PKD2: variants seen among roughly 807,000 people sequenced by gnomAD.
The protein encoded by PKD2 is polycystin-2.
PKD2 carries 48 observed loss-of-function variants against 105.9 expected under a neutral mutation model. The ratio of observed to expected loss-of-function variants is 0.45; its 90% CI spans 0.36 to 0.58. PKD2 has a LOEUF of 0.58. Ranked by LOEUF, PKD2 falls within the 20% of genes least tolerant of loss-of-function variation. The probability of loss-of-function intolerance (pLI) is 0.00; values close to 1 mark genes in which losing one functional copy is unlikely to be tolerated. For missense variants in PKD2, 1,078 were observed against 1,255.3 expected, an observed-to-expected ratio of 0.86 and a Z score of 2.13; for synonymous variants, 464 against 481.1, an observed-to-expected ratio of 0.96 and a Z score of 0.46.
At chr4:88,071,736 G>A (rs532455456) in intron 13 of PKD2, among the ~76,000 whole-genome samples, 20 of 152,150 alleles carry the variant, frequency 1.3e-4, no homozygotes, top group East Asian at 7.7e-4. Context: ...CTTAGAGGGC[G>A]CAGCTGTGGC....
At chr4:88,053,977 CAT>C (rs760111854) in intron 7 of PKD2, among the ~76,000 whole-genome samples, 13 of 152,180 alleles carry the variant, frequency 8.5e-5, no homozygotes, top group South Asian at 2.1e-4. Context: ...GATATCCACA[CAT>C]GTTTGGATAG....
chr4:88,032,212 GT>G (rs2110100933), intron 2 of PKD2, among the ~76,000 whole-genome samples: 1 of 151,708 alleles, frequency 6.6e-6, no homozygotes, highest in East Asian at 1.9e-4. Flanking sequence ...TTTTATCCTA[GT>G]GATTTGAAAT....
intron 8 of PKD2, 103 bp from the exon 9 acceptor site, chr4:88,057,880 T>C: frequency 1.1e-6 from 1 of 913,954 alleles, no homozygotes; most frequent in South Asian, 1.3e-5. Context: ...CTACCTATAC[T>C]GCTAAAAGGT....
At chr4:88,064,560 C>T (rs1720714157) in intron 10 of PKD2, among the ~76,000 whole-genome samples, 1 of 152,088 alleles carries the variant, frequency 6.6e-6, no homozygotes, top group Non-Finnish European at 1.5e-5. Context: ...TACAGTGCCG[C>T]ACTATGTGCA....
At chr4:88,029,493 T>A (rs1467414006) in intron 2 of PKD2, among the ~76,000 whole-genome samples, 1 of 152,120 alleles carries the variant, frequency 6.6e-6, no homozygotes, top group African/African-American at 2.4e-5. Flanking sequence ...CCAGCCATGC[T>A]CTCTAGTTCA....
intron 5 of PKD2, among the ~76,000 whole-genome samples, chr4:88,045,116 A>G (rs1338688162): frequency 6.6e-6 from 1 of 152,206 alleles, no homozygotes; most frequent in Non-Finnish European, 1.5e-5. Context: ...TTCCTCCCTT[A>G]CTTTAAGGAT....
intron 2 of PKD2, among the ~76,000 whole-genome samples, chr4:88,032,458 C>G (rs1727197944): frequency 6.6e-6 from 1 of 152,104 alleles, no homozygotes; most frequent in Non-Finnish European, 1.5e-5. Flanking sequence ...GAGCCCAGCA[C>G]TTTGGCCGAT....
chr4:88,070,595 TATATATAG>T (rs1347053654), intron 13 of PKD2, among the ~76,000 whole-genome samples: 35 of 98,414 alleles, frequency 3.6e-4, no homozygotes, highest in Admixed American at 8.6e-4. Context: ...TATATATATA[TATATATAG>T]AGAGAGAGAG....
At chr4:88,047,408 T>G (rs1369496632) in intron 6 of PKD2, among the ~76,000 whole-genome samples, 1 of 150,976 alleles carries the variant, frequency 6.6e-6, no homozygotes, top group Non-Finnish European at 1.5e-5. Context: ...AAAAAAAAAT[T>G]TAATTAGTCA....
At chr4:88,065,593 CTTTTT>C in intron 11 of PKD2, 98 bp downstream of exon 11, 1 of 1,072,402 alleles carries the variant, frequency 9.3e-7, no homozygotes, top group Non-Finnish European at 1.4e-6. Context: ...CATACAGATA[CTTTTT>C]TTTTTTTTTT....
intron 7 of PKD2, among the ~76,000 whole-genome samples, chr4:88,055,093 G>A (rs1398008235): frequency 1.3e-5 from 2 of 152,098 alleles, no homozygotes; most frequent in African/African-American, 2.4e-5. Context: ...CTGTCTACCA[G>A]CAGGGTTCAC....
intron 10 of PKD2, among the ~76,000 whole-genome samples, chr4:88,064,740 A>T (rs952217157): frequency 4.5e-4 from 69 of 152,062 alleles, no homozygotes; most frequent in African/African-American, 1.6e-3. Flanking sequence ...AAAAAAAAAA[A>T]ATAGCAAGGC....
intron 1 of PKD2, among the ~76,000 whole-genome samples, chr4:88,013,309 G>T (rs550199801): frequency 9.9e-4 from 151 of 152,160 alleles, no homozygotes; most frequent in Non-Finnish European, 1.5e-3. Context: ...ATGCAGAGAT[G>T]AATAATACAA....
At chr4:88,046,996 A>T in intron 6 of PKD2, 126 bp downstream of exon 6, 2 of 723,262 alleles carry the variant, frequency 2.8e-6, no homozygotes, top group South Asian at 1.5e-5. Context: ...CCCCTCAATT[A>T]TATCAACTTC....
intron 9 of PKD2, among the ~76,000 whole-genome samples, chr4:88,061,145 C>CA (rs1354239035): frequency 6.6e-6 from 1 of 151,926 alleles, no homozygotes; most frequent in African/African-American, 2.4e-5. Context: ...TATGATTATA[C>CA]AAAAAAACTT....
intron 4 of PKD2, among the ~76,000 whole-genome samples, chr4:88,039,221 G>C (rs1008933053): frequency 6.6e-6 from 1 of 152,118 alleles, no homozygotes; most frequent in Admixed American, 6.6e-5. Context: ...AATTCTGTCG[G>C]TTCATCTAGG....
chr4:88,075,796 C>A lies in PKD2; in HGVS notation c.*102C>A. Reference sequence around the variant, plus strand: ...TATATGCCCTGACCACCATAGGATGCTAGTCTTTGTGACCGATTGCTAATC... The same window carrying A: ...TATATGCCCTGACCACCATAGGATGATAGTCTTTGTGACCGATTGCTAATC... On this transcript the variant is annotated 3_prime_UTR_variant, in exon 15 of 15. Coordinates refer to ENST00000237596, the MANE Select transcript of PKD2 (RefSeq NM_000297.4). 1 of 826,614 alleles carries A rather than the reference C, an allele frequency of 1.2e-6. No homozygotes were observed. Among genetic ancestry groups the A allele is most frequent in the Non-Finnish European group, 2.1e-6 (1 of 475,372 alleles). The allele number at this position is 826,614 out of a possible 1,614,324, so 51.2% of individuals were successfully genotyped here.
Position 88,007,976 on chromosome 4 carries a change from G to A in PKD2, c.243G>A (p.Ser81=). Residue 81 remains serine (S), a synonymous_variant, in exon 1 of 15, where the codon TCG becomes TCA. Transcript: ENST00000237596. Reference sequence around the variant, plus strand: ...CCTCCCCTTCTCCTCCGCTCTCGTCGTGCTCCCGGCAGGCGTGGAGCCGCG... The same window carrying A: ...CCTCCCCTTCTCCTCCGCTCTCGTCATGCTCCCGGCAGGCGTGGAGCCGCG... ...AAASPSPPLS[S]CSRQAWSRDN... 2 of 1,505,006 alleles carry A rather than the reference G, an allele frequency of 1.3e-6. No homozygotes were observed. Among genetic ancestry groups the A allele is most frequent in the Middle Eastern group, 1.8e-4 (1 of 5,706 alleles). 93.2% of individuals were successfully genotyped at this position (1,505,006 alleles called of 1,614,324 possible). A position where few individuals can be genotyped will look rare whatever the true frequency, so the allele number is the denominator to read the frequency against.
Position 88,051,673 on chromosome 4 carries a change from T to C in PKD2, c.1549-318T>C, listed in dbSNP as rs190604502. Among the ~76,000 whole-genome samples, 46 of 152,338 alleles carry C rather than the reference T, an allele frequency of 3.0e-4. 1 individual carries two copies. The highest frequency in any genetic ancestry group is 9.6e-4 in the African/African-American group (40 of 41,572). On this transcript the variant is annotated intron_variant, in intron 6 of 14. Coordinates refer to ENST00000237596, the MANE Select transcript of PKD2 (RefSeq NM_000297.4). ...AAACAGAAAGCATTCCTCTTTGAGTTTGAGTCTGTTATAGTGTGATCTCTT... is the reference window on the plus strand; with the variant it reads ...AAACAGAAAGCATTCCTCTTTGAGTCTGAGTCTGTTATAGTGTGATCTCTT...
Sources: gnomAD v4.1 joint callset for allele counts (sites outside exome capture counted in the v4.1 genomes callset) on GRCh38, gnomAD v4.1.1 for gene constraint, MANE v1.5 for transcripts, NCBI Gene and HGNC (gene_info 2026-07-23, HGNC 2026-07-21) for gene names.